Variants in SH3D19 observed in about 807,000 individuals in gnomAD.
The protein encoded by SH3D19 is SH3 domain-containing protein 19.
Under a neutral mutation model 112.1 loss-of-function variants are expected in SH3D19, and 58 were observed. The ratio of observed to expected loss-of-function variants is 0.52; its 90% CI spans 0.42 to 0.64. The LOEUF is 0.64. Among genes scored for constraint, SH3D19 ranks in the 30% least tolerant of loss-of-function variants. The probability of loss-of-function intolerance (pLI) is 0.00; values close to 1 mark genes in which losing one functional copy is unlikely to be tolerated. For missense variants in SH3D19, 1,090 were observed against 1,263.4 expected, an observed-to-expected ratio of 0.86 and a Z score of 2.08; for synonymous variants, 391 against 448.5, an observed-to-expected ratio of 0.87 and a Z score of 1.62.
chr4:151,244,115 T>C (rs1306690909), intron 1 of SH3D19, among the ~76,000 whole-genome samples: 1 of 152,140 alleles, frequency 6.6e-6, no homozygotes, highest in African/African-American at 2.4e-5. Context: ...AACTAGGGAA[T>C]AAAAGTTTAT....
At chr4:151,239,185 C>A (rs1047624866) in intron 1 of SH3D19, among the ~76,000 whole-genome samples, 2 of 152,204 alleles carry the variant, frequency 1.3e-5, no homozygotes, top group African/African-American at 4.8e-5. Context: ...CACCTATGGG[C>A]ACTTACCACA....
intron 2 of SH3D19, among the ~76,000 whole-genome samples, chr4:151,216,162 G>A (rs925772530): frequency 2.0e-5 from 3 of 152,146 alleles, no homozygotes; most frequent in African/African-American, 7.2e-5. Context: ...ACTGAATTCC[G>A]ATCAACAGCA....
Position 151,325,536 on chromosome 4 carries a change from G to C in SH3D19, c.-184C>G, listed in dbSNP as rs891086839. ...CGCGAACTCCACCTGCAGCCGGCCG[G>C]GCAGCGGCAGGGCGCGGGCCGAGCC... On this transcript the variant is annotated 5_prime_UTR_variant, in exon 1 of 20. Coordinates refer to ENST00000604030, the MANE Select transcript of SH3D19 (RefSeq NM_001378122.1). 6.7e-6 allele frequency: 2 copies of C among 299,238 alleles called. No individual in the cohort carries two copies. 18.5% of individuals were successfully genotyped at this position (299,238 alleles called of 1,614,324 possible).
chr4:151,184,538 A>ACAC (rs1761444491), intron 3 of SH3D19, among the ~76,000 whole-genome samples: 1 of 152,182 alleles, frequency 6.6e-6, no homozygotes. Flanking sequence ...AACCAAAAAA[A>ACAC]CACCAGCTAC....
intron 2 of SH3D19, among the ~76,000 whole-genome samples, chr4:151,215,189 T>C (rs1455972415): frequency 6.6e-6 from 1 of 152,222 alleles, no homozygotes; most frequent in East Asian, 1.9e-4. Context: ...CCCAAAGTGT[T>C]GCGAATACAG....
intron 2 of SH3D19, among the ~76,000 whole-genome samples, chr4:151,223,736 T>C (rs1768482296): frequency 6.6e-6 from 1 of 152,212 alleles, no homozygotes; most frequent in South Asian, 2.1e-4. Flanking sequence ...CTTTGACTTT[T>C]ATCTTACTCT....
chr4:151,138,533 T>C (rs1050136091), intron 13 of SH3D19, among the ~76,000 whole-genome samples: 2 of 151,094 alleles, frequency 1.3e-5, no homozygotes, highest in African/African-American at 4.9e-5. Context: ...ACCATGTCCC[T>C]AGGAAAAAAA....
At chr4:151,266,826 C>G (rs1035289727) in intron 1 of SH3D19, among the ~76,000 whole-genome samples, 2 of 152,176 alleles carry the variant, frequency 1.3e-5, no homozygotes, top group African/African-American at 4.8e-5. Flanking sequence ...TATGACTCCT[C>G]TGTGTTAAGT....
At chr4:151,146,601 C>T (rs1184921817) in intron 11 of SH3D19, among the ~76,000 whole-genome samples, 2 of 152,156 alleles carry the variant, frequency 1.3e-5, no homozygotes, top group South Asian at 2.1e-4. Flanking sequence ...GGCACAATCT[C>T]GGCTCACTGC....
chr4:151,215,408 A>G (rs146490336), intron 2 of SH3D19, among the ~76,000 whole-genome samples: 43 of 152,346 alleles, frequency 2.8e-4, no homozygotes, highest in African/African-American at 1.0e-3. Flanking sequence ...GGAAAACATT[A>G]TCTTGAGGAA....
intron 1 of SH3D19, among the ~76,000 whole-genome samples, chr4:151,301,703 C>T (rs1403350063): frequency 1.3e-5 from 2 of 152,128 alleles, no homozygotes; most frequent in Non-Finnish European, 2.9e-5. Context: ...CCAATTAAAC[C>T]TCTTTTTAAA....
intron 3 of SH3D19, among the ~76,000 whole-genome samples, chr4:151,183,268 AG>A (rs1221222973): frequency 6.6e-6 from 1 of 152,164 alleles, no homozygotes; most frequent in African/African-American, 2.4e-5. Context: ...CTGGGATTAT[AG>A]GTGTGAGCCA....
chr4:151,228,134 G>A (rs2149952846), intron 1 of SH3D19: 1 of 710,816 alleles, frequency 1.4e-6, no homozygotes, highest in Admixed American at 6.3e-5. Context: ...CTTTTCTATT[G>A]AACCAGTAAT....
rs144724204 is a variant in SH3D19, at chr4:151,207,006, CTCTG to C, written c.152+19037_152+19040del. 8.7e-3 allele frequency among the ~76,000 whole-genome samples: 1,327 copies of C among 152,292 alleles called. 26 individuals carry two copies. Among genetic ancestry groups the C allele is most frequent in the African/African-American group, 0.027 (1,109 of 41,562 alleles). On this transcript the variant is annotated intron_variant, in intron 2 of 19. Coordinates refer to ENST00000604030, the MANE Select transcript of SH3D19 (RefSeq NM_001378122.1). The stretch of plus-strand genomic sequence containing the variant: ...AACCTCCAGAAACCATGGCTGTCAG[CTCTG>C]TCTTTTAGTTTAAACTTTCATGAGA...
At chr4:151,282,052 C>T (rs1774285867) in intron 1 of SH3D19, 1 of 1,285,038 alleles carries the variant, frequency 7.8e-7, no homozygotes, top group Non-Finnish European at 1.1e-6. Context: ...CAGTTGGCTA[C>T]CCTCCTTTCT....
intron 11 of SH3D19, among the ~76,000 whole-genome samples, chr4:151,146,587 C>A (rs1446817211): frequency 1.3e-5 from 2 of 152,340 alleles, no homozygotes; most frequent in Admixed American, 6.5e-5. Flanking sequence ...GGCTGGAGTG[C>A]AGTGGCACAA....
At chr4:151,287,054 G>C (rs1178821017) in intron 1 of SH3D19, among the ~76,000 whole-genome samples, 2 of 150,612 alleles carry the variant, frequency 1.3e-5, no homozygotes, top group South Asian at 4.2e-4. Context: ...AAAAATAAAA[G>C]AGGGGACTGG....
At chr4:151,146,850 G>A (rs1408719142) in intron 11 of SH3D19, among the ~76,000 whole-genome samples, 1 of 152,130 alleles carries the variant, frequency 6.6e-6, no homozygotes, top group Non-Finnish European at 1.5e-5. Flanking sequence ...TTTTAACTGT[G>A]GGAAATGCAG....
chr4:151,160,973 G>T (rs558118101), intron 8 of SH3D19, among the ~76,000 whole-genome samples: 54 of 152,182 alleles, frequency 3.5e-4, no homozygotes, highest in African/African-American at 1.3e-3. Flanking sequence ...TTCTTACAAG[G>T]AAATAGTTAA....
Sources: allele counts gnomAD v4.1 joint callset (sites outside exome capture counted in the v4.1 genomes callset), GRCh38; gene constraint gnomAD v4.1.1; transcripts MANE v1.5; gene names NCBI Gene and HGNC (gene_info 2026-07-23, HGNC 2026-07-21).